Variants in GALNT17 observed in about 807,000 individuals in gnomAD.
GALNT17 encodes the protein UDP-GalNAc:polypeptide N-acetylgalactosaminyltransferase-like 3.
Under a neutral mutation model 63.7 loss-of-function variants are expected in GALNT17, and 29 were observed. The observed-to-expected ratio is 0.46, with a 90% CI of 0.34 to 0.62. GALNT17 has a LOEUF of 0.62. GALNT17 is among the 20% of genes least tolerant of loss of function. The probability of loss-of-function intolerance (pLI) is 0.01; values close to 1 mark genes in which losing one functional copy is unlikely to be tolerated. For synonymous variants in GALNT17, 305 were observed against 318.3 expected, an observed-to-expected ratio of 0.96 and a Z score of 0.45; for missense variants, 603 against 799.6, an observed-to-expected ratio of 0.75 and a Z score of 2.97.
chr7:71,149,519 G>T (rs1332301097), intron 1 of GALNT17, among the ~76,000 whole-genome samples: 2 of 152,060 alleles, frequency 1.3e-5, no homozygotes, highest in Non-Finnish European at 2.9e-5. Context: ...CTGTCAACTA[G>T]GATCAGGATG....
chr7:71,379,784 G>A (rs1298054405), intron 2 of GALNT17, among the ~76,000 whole-genome samples: 1 of 152,126 alleles, frequency 6.6e-6, no homozygotes, highest in African/African-American at 2.4e-5. Context: ...AGGGGGAGCT[G>A]AAGTTTCAGT....
rs545555986 is a variant in GALNT17 at position 71,702,632 on chromosome 7, T to A, written c.1501-8129T>A. ...CATGATTTTAAATAATATAGTATTT[T>A]AAAAGCAGTCACTCTGGATGGTGTG... On this transcript the variant is annotated intron_variant, in intron 9 of 10. Transcript: ENST00000333538. 9.9e-5 allele frequency among the ~76,000 whole-genome samples: 15 copies of A among 152,276 alleles called. No individual in the cohort carries two copies. In the South Asian group the frequency reaches 3.1e-3, roughly 32 times the overall value.
chr7:71,462,462 C>G (rs1421885237), intron 5 of GALNT17, among the ~76,000 whole-genome samples: 1 of 152,136 alleles, frequency 6.6e-6, no homozygotes, highest in Admixed American at 6.5e-5. Context: ...TGGGACAGGT[C>G]TCAGTTAATT....
chr7:71,435,143 T>G (rs1786935638), intron 5 of GALNT17, among the ~76,000 whole-genome samples: 1 of 152,124 alleles, frequency 6.6e-6, no homozygotes, highest in Non-Finnish European at 1.5e-5. Context: ...CTGGGCATCC[T>G]AGCAAGACCC....
intron 1 of GALNT17, among the ~76,000 whole-genome samples, chr7:71,172,538 C>A (rs539900701): frequency 6.6e-6 from 1 of 151,832 alleles, no homozygotes; most frequent in East Asian, 1.9e-4. Flanking sequence ...TGAAATAAAC[C>A]TTTTCTGTCT....
At chr7:71,186,308 G>A (rs577655542) in intron 1 of GALNT17, among the ~76,000 whole-genome samples, 9 of 152,150 alleles carry the variant, frequency 5.9e-5, no homozygotes, top group Non-Finnish European at 1.2e-4. Context: ...ACTTGGTTCA[G>A]AAGCTAGGAA....
At chr7:71,489,233 C>G (rs1008769096) in intron 5 of GALNT17, among the ~76,000 whole-genome samples, 3 of 152,106 alleles carry the variant, frequency 2.0e-5, no homozygotes, top group African/African-American at 7.2e-5. Context: ...AGTGCAGATA[C>G]TGTGGCTCTA....
intron 1 of GALNT17, among the ~76,000 whole-genome samples, chr7:71,282,201 G>A (rs1290360498): frequency 6.6e-6 from 1 of 152,198 alleles, no homozygotes; most frequent in Non-Finnish European, 1.5e-5. Context: ...TCAGACAAAA[G>A]CATGTTCATC....
intron 6 of GALNT17, among the ~76,000 whole-genome samples, chr7:71,586,876 C>T (rs1056793066): frequency 5.9e-5 from 9 of 152,100 alleles, no homozygotes; most frequent in Non-Finnish European, 1.2e-4. Flanking sequence ...CATTCATTCT[C>T]TTCTAGCTGT....
intron 6 of GALNT17, among the ~76,000 whole-genome samples, chr7:71,654,879 C>T (rs1276899259): frequency 1.3e-5 from 2 of 152,114 alleles, no homozygotes; most frequent in African/African-American, 2.4e-5. Flanking sequence ...ACCTCCACCT[C>T]CTGGGTTCGA....
At chr7:71,555,958 G>C (rs889679130) in intron 5 of GALNT17, among the ~76,000 whole-genome samples, 6 of 152,216 alleles carry the variant, frequency 3.9e-5, no homozygotes, top group Non-Finnish European at 5.9e-5. Flanking sequence ...AGTCACAACA[G>C]AAAATTAACA....
intron 5 of GALNT17, among the ~76,000 whole-genome samples, chr7:71,430,468 A>G (rs1786841430): frequency 6.6e-6 from 1 of 152,140 alleles, no homozygotes. Flanking sequence ...CAGATGGGAC[A>G]TTTTACAGCA....
intron 1 of GALNT17, chr7:71,300,605 TACAC>T (rs926648286): frequency 3.5e-6 from 1 of 288,534 alleles, no homozygotes; most frequent in Non-Finnish European, 7.0e-6. Flanking sequence ...CGCGTGCACA[TACAC>T]ACAACCACAC....
At chr7:71,670,725 G>A (rs557314786) in intron 8 of GALNT17, among the ~76,000 whole-genome samples, 1 of 152,238 alleles carries the variant, frequency 6.6e-6, no homozygotes, top group African/African-American at 2.4e-5. Flanking sequence ...TGAGAGATTA[G>A]CGTTATTTCT....
chr7:71,704,813 A>G (rs909481401), intron 9 of GALNT17, among the ~76,000 whole-genome samples: 1 of 152,178 alleles, frequency 6.6e-6, no homozygotes, highest in Admixed American at 6.6e-5. Context: ...AGATATCCAC[A>G]TGAAAAAGAG....
Position 71,485,351 on chromosome 7 carries a change from C to A in GALNT17, c.962+64246C>A, listed in dbSNP as rs562650365. 8.5e-5 allele frequency among the ~76,000 whole-genome samples: 13 copies of A among 152,276 alleles called. No homozygotes were observed. The South Asian group carries it at 2.7e-3, about 32-fold the overall frequency. On this transcript the variant is annotated intron_variant, in intron 5 of 10. Transcript: ENST00000333538. ...GGCTCAAGCAATCATCCCGCCTTGG[C>A]GTCCCAAAGTGCTGGGATTACAGGT...
At chr7:71,557,849 G>T (rs561284583) in intron 5 of GALNT17, among the ~76,000 whole-genome samples, 1 of 152,094 alleles carries the variant, frequency 6.6e-6, no homozygotes, top group Admixed American at 6.6e-5. Flanking sequence ...AAAGCAGGCG[G>T]ATCACTTGAG....
rs747352627 is a variant in GALNT17, at chr7:71,482,077, GTA to G, written c.962+60976_962+60977del. On this transcript the variant is annotated intron_variant, in intron 5 of 10. Coordinates refer to ENST00000333538, the MANE Select transcript of GALNT17 (RefSeq NM_022479.3). ...CATTGATGTATAGGTATACATATAT[GTA>G]TATGTGTGTGTGTGTGTGTGTGTGT... 2.7e-3 allele frequency among the ~76,000 whole-genome samples: 373 copies of G among 140,296 alleles called. 2 individuals carry two copies. The highest frequency in any genetic ancestry group is 5.9e-3 in the Admixed American group (84 of 14,316). The allele number at this position is 140,296 out of a possible 152,430, so 92.0% of individuals were successfully genotyped here.
chr7:71,652,813 G>A (rs1054275094), intron 6 of GALNT17, among the ~76,000 whole-genome samples: 7 of 152,140 alleles, frequency 4.6e-5, no homozygotes, highest in African/African-American at 1.7e-4. Context: ...AGAGGTGGTG[G>A]AACATCACTC....
Sources: allele counts gnomAD v4.1 joint callset (sites outside exome capture counted in the v4.1 genomes callset), GRCh38; gene constraint gnomAD v4.1.1; transcripts MANE v1.5; gene names NCBI Gene and HGNC (gene_info 2026-07-23, HGNC 2026-07-21).